Variants in JAK2 observed in about 807,000 individuals in gnomAD.
JAK2 encodes the protein tyrosine-protein kinase JAK2.
A neutral mutation model predicts 139.3 loss-of-function variants in JAK2; 86 were observed. The observed-to-expected ratio is 0.62, with a 90% CI of 0.52 to 0.74. The LOEUF (loss-of-function observed/expected upper bound fraction) is 0.74, where lower values mean the gene tolerates loss of function less well. JAK2 is among the 30% of genes least tolerant of loss of function. JAK2 has a pLI of 0.00. For missense variants in JAK2, 1,421 were observed against 1,360.3 expected, an observed-to-expected ratio of 1.04 and a Z score of -0.70; for synonymous variants, 490 against 437.7, an observed-to-expected ratio of 1.12 and a Z score of -1.49.
rs1437563368 is a variant in JAK2 at position 5,054,696 on chromosome 9, T to A, written c.748T>A (p.Leu250Met). The A allele has an allele frequency of 6.2e-7, 1 of 1,613,460 alleles. No homozygotes were observed. The highest frequency in any genetic ancestry group is 8.5e-7 in the Non-Finnish European group (1 of 1,179,490). Residue 250 changes from leucine to methionine, a missense_variant, in exon 7 of 25, where the codon TTG becomes ATG. Leu to Met is a conservative substitution (Grantham distance 15, BLOSUM62 2). Coordinates refer to ENST00000381652, the MANE Select transcript of JAK2 (RefSeq NM_004972.4). The surrounding 1 kb of genome is among the most constrained non-coding windows in gnomAD (Gnocchi z 4.9). ...FSQCKATARN[L>M]KLKYLINLET... is the part of the protein sequence containing the mutation. ...CCAATGCAAAGCCACTGCCAGAAAC[T>A]TGAAACTTAAGTATCTTATAAATCT... is the stretch of plus-strand genomic sequence containing the variant.
At chr9:5,043,037 TG>T (rs1816727790) in intron 4 of JAK2, among the ~76,000 whole-genome samples, 2 of 152,274 alleles carry the variant, frequency 1.3e-5, no homozygotes, top group South Asian at 4.1e-4. Flanking sequence ...CCCTGCTGTG[TG>T]GAGGCGCGCG....
chr9:5,047,707 A>G (rs1450731888), intron 5 of JAK2, among the ~76,000 whole-genome samples: 2 of 152,130 alleles, frequency 1.3e-5, no homozygotes, highest in Non-Finnish European at 2.9e-5. Flanking sequence ...GTCTTGCTTC[A>G]GCCTGTCAGC....
At chr9:5,024,213 G>A (rs929625451) in intron 3 of JAK2, among the ~76,000 whole-genome samples, 9 of 152,054 alleles carry the variant, frequency 5.9e-5, no homozygotes, top group East Asian at 1.9e-4. Context: ...CCGAGATTGC[G>A]CCACTGCACT....
chr9:5,065,161 CA>C (rs1162899024), intron 9 of JAK2, 121 bp downstream of exon 9: 2 of 546,430 alleles, frequency 3.7e-6, no homozygotes, highest in Non-Finnish European at 5.9e-6. Flanking sequence ...TTTTTTTAAA[CA>C]AAAGGCTATT....
intron 22 of JAK2, among the ~76,000 whole-genome samples, chr9:5,096,463 A>T (rs916267105): frequency 6.6e-6 from 1 of 152,124 alleles, no homozygotes; most frequent in Non-Finnish European, 1.5e-5. Flanking sequence ...TAAATACCCT[A>T]ATCAACTGGC....
At chr9:5,039,895 A>G (rs1204831017) in intron 4 of JAK2, among the ~76,000 whole-genome samples, 1 of 152,192 alleles carries the variant, frequency 6.6e-6, no homozygotes, top group African/African-American at 2.4e-5. Flanking sequence ...TCCTTAATTG[A>G]TCTGTATGTT....
At chr9:5,021,730 A>G (rs935131547) in intron 2 of JAK2, among the ~76,000 whole-genome samples, 3 of 152,106 alleles carry the variant, frequency 2.0e-5, no homozygotes, top group Admixed American at 1.3e-4. Flanking sequence ...GGTTCAAGCA[A>G]TTCTTCCGCT....
chr9:5,079,537 T>C (rs1372975419), intron 16 of JAK2, among the ~76,000 whole-genome samples: 1 of 152,212 alleles, frequency 6.6e-6, no homozygotes, highest in South Asian at 2.1e-4. Flanking sequence ...GCCATGGCTA[T>C]TAAATCATTA....
chr9:5,080,093 G>GTGCACA, intron 16 of JAK2, 136 bp from the exon 17 acceptor site: 2 of 616,854 alleles, frequency 3.2e-6, no homozygotes, highest in Non-Finnish European at 5.6e-6. Flanking sequence ...TCATGTGCAT[G>GTGCACA]TGCACATCCA....
At chr9:5,102,120 C>T (rs774268251) in intron 22 of JAK2, among the ~76,000 whole-genome samples, 4 of 152,086 alleles carry the variant, frequency 2.6e-5, no homozygotes, top group South Asian at 2.1e-4. Context: ...TCAAACCCAT[C>T]GCAAGGAAGC....
At chr9:4,998,733 A>G (rs1320003071) in intron 2 of JAK2, among the ~76,000 whole-genome samples, 1 of 138,754 alleles carries the variant, frequency 7.2e-6, no homozygotes, top group Non-Finnish European at 1.6e-5. Flanking sequence ...ACCAAAAACC[A>G]CAAAAAACAA....
chr9:5,109,322 T>A (rs910615667), intron 22 of JAK2: 5 of 152,168 alleles, frequency 3.3e-5, no homozygotes, highest in African/African-American at 1.2e-4. Context: ...AAACATTAAA[T>A]TGTGGATCTA....
chr9:5,073,959 A>G (rs1819141054), intron 14 of JAK2, among the ~76,000 whole-genome samples, 174 bp downstream of exon 14: 1 of 152,182 alleles, frequency 6.6e-6, no homozygotes, highest in Non-Finnish European at 1.5e-5. Flanking sequence ...TCTTGTGAAA[A>G]AGGAAAGCAA....
chr9:5,128,368 T>C lies in JAK2; in HGVS notation c.*1577T>C, dbSNP rs1824140365. ...GACAGTGAATTAGGTTTTAAAAAGA[T>C]TTTAGATTTTTTTGAAAGTTTAATT... On this transcript the variant is annotated 3_prime_UTR_variant, in exon 25 of 25. Transcript: ENST00000381652. 6.6e-6 allele frequency among the ~76,000 whole-genome samples: 1 copy of C among 151,794 alleles called. No homozygotes were observed. Among genetic ancestry groups the C allele is most frequent in the Non-Finnish European group, 1.5e-5 (1 of 67,738 alleles).
chr9:5,042,154 G>A (rs1327529036), intron 4 of JAK2, among the ~76,000 whole-genome samples: 1 of 130,950 alleles, frequency 7.6e-6, no homozygotes, highest in Non-Finnish European at 1.6e-5. Flanking sequence ...TTTTTGAGAC[G>A]GAGTCTCGCT....
At chr9:5,121,915 T>C (rs147025889) in intron 22 of JAK2, among the ~76,000 whole-genome samples, 1 of 152,300 alleles carries the variant, frequency 6.6e-6, no homozygotes, top group African/African-American at 2.4e-5. Context: ...GGAATAGTGC[T>C]GTCTTCAAGA....
intron 4 of JAK2, among the ~76,000 whole-genome samples, chr9:5,037,045 G>C (rs199752134): frequency 6.6e-6 from 1 of 152,136 alleles, no homozygotes; most frequent in Non-Finnish European, 1.5e-5. Context: ...AAAAGTGGGC[G>C]AAGGATACGA....
chr9:5,091,285 G>GT (rs1326033374), intron 22 of JAK2: 1 of 158,076 alleles, frequency 6.3e-6, no homozygotes, highest in Non-Finnish European at 1.4e-5. Flanking sequence ...TGGTATAATG[G>GT]TTATTTTTGG....
rs748500115 is a variant in JAK2, at chr9:5,022,097, C to T, written c.110C>T (p.Pro37Leu). ...GNANSMKQID[P>L]VLQVYLYHSL... ...GCCAATTCTATGAAGCAAATAGATC[C>T]AGTTCTTCAGGTGTATCTTTACCAT... The change falls in exon 3 of 25, where the codon CCA becomes CTA. Residue 37 changes from proline to leucine, a missense_variant. By Grantham distance (98) the Pro-to-Leu change is moderately conservative. Transcript: ENST00000381652. 1.9e-6 allele frequency: 3 copies of T among 1,613,460 alleles called. No homozygotes were observed. Among genetic ancestry groups the T allele is most frequent in the Non-Finnish European group, 2.5e-6 (3 of 1,179,376 alleles).
Sources: allele counts gnomAD v4.1 joint callset (sites outside exome capture counted in the v4.1 genomes callset), GRCh38; gene constraint gnomAD v4.1.1; non-coding constraint Gnocchi (gnomAD v3.1); transcripts MANE v1.5; gene names NCBI Gene and HGNC (gene_info 2026-07-23, HGNC 2026-07-21).